Variants in C6orf132 observed in about 807,000 individuals in gnomAD.
C6orf132 encodes uncharacterized protein C6orf132.
A neutral mutation model predicts 65.3 loss-of-function variants in C6orf132; 43 were observed. That is an observed-to-expected ratio of 0.66 (90% CI 0.52 to 0.85). The LOEUF is 0.85. C6orf132 is among the 40% of genes least tolerant of loss of function. The probability of loss-of-function intolerance (pLI) is 0.00; values close to 1 mark genes in which losing one functional copy is unlikely to be tolerated. For missense variants in C6orf132, 1,488 were observed against 1,548.8 expected, an observed-to-expected ratio of 0.96 and a Z score of 0.66; for synonymous variants, 631 against 654.1, an observed-to-expected ratio of 0.96 and a Z score of 0.54.
chr6:42,130,941 A>C (rs1766842573), intron 1 of C6orf132, among the ~76,000 whole-genome samples: 1 of 152,168 alleles, frequency 6.6e-6, no homozygotes, highest in Non-Finnish European at 1.5e-5. Context: ...GCTGGAGTAC[A>C]GTGGCATGAT....
chr6:42,122,342 T>C (rs1451846068), intron 2 of C6orf132, among the ~76,000 whole-genome samples: 1 of 152,182 alleles, frequency 6.6e-6, no homozygotes, highest in Non-Finnish European at 1.5e-5. Flanking sequence ...CCTGCCTAAA[T>C]GGCCCTGAGC....
intron 3 of C6orf132, among the ~76,000 whole-genome samples, chr6:42,108,958 G>A (rs1766455826): frequency 6.6e-6 from 1 of 152,172 alleles, no homozygotes; most frequent in South Asian, 2.1e-4. Flanking sequence ...CAGGACTTAG[G>A]AGCTGGGGTA....
intron 2 of C6orf132, among the ~76,000 whole-genome samples, chr6:42,121,356 G>A (rs918215379): frequency 4.6e-5 from 7 of 152,228 alleles, no homozygotes; most frequent in Admixed American, 2.6e-4. Context: ...ACATTTCAGA[G>A]TTGAGAAGGA....
Position 42,110,204 on chromosome 6 carries a change from G to A in C6orf132, c.328+12C>T. 6.5e-7 allele frequency: 1 copy of A among 1,545,772 alleles called. No individual in the cohort carries two copies. Among genetic ancestry groups the A allele is most frequent in the Admixed American group, 2.0e-5 (1 of 50,218 alleles). On this transcript the variant is annotated intron_variant, in intron 3 of 4. Transcript: ENST00000341865. ...GAAAGATGGACAAGCCCCAAGCCCA[G>A]GGTTCACTTACCTGTCACTTCTTTG... is the stretch of plus-strand genomic sequence containing the variant.
intron 1 of C6orf132, among the ~76,000 whole-genome samples, chr6:42,140,029 T>A (rs1016058980): frequency 1.3e-5 from 2 of 152,070 alleles, no homozygotes; most frequent in African/African-American, 4.8e-5. Flanking sequence ...TCTCCCTAAC[T>A]CCAAGCAGAG....
chr6:42,111,062 C>T (rs1263158808), intron 2 of C6orf132, among the ~76,000 whole-genome samples: 1 of 152,104 alleles, frequency 6.6e-6, no homozygotes, highest in Non-Finnish European at 1.5e-5. Context: ...TCAGCCTGGC[C>T]TCCTGTGTGT....
At chr6:42,112,403 G>A (rs1466835902) in intron 2 of C6orf132, among the ~76,000 whole-genome samples, 1 of 152,226 alleles carries the variant, frequency 6.6e-6, no homozygotes, top group African/African-American at 2.4e-5. Flanking sequence ...ATTGGCTCTG[G>A]CTTTCCAGCC....
intron 1 of C6orf132, among the ~76,000 whole-genome samples, chr6:42,137,569 A>G (rs1352604174): frequency 1.3e-5 from 2 of 152,116 alleles, no homozygotes; most frequent in Non-Finnish European, 2.9e-5. Context: ...AGAGGGCACG[A>G]GGGTCCTCCT....
At chr6:42,132,548 A>G (rs1766870626) in intron 1 of C6orf132, among the ~76,000 whole-genome samples, 1 of 132,248 alleles carries the variant, frequency 7.6e-6, no homozygotes, top group African/African-American at 2.9e-5. Flanking sequence ...AGAAGAAGAA[A>G]ATAAGAAAAG....
rs565967239 is a variant in C6orf132 at position 42,132,524 on chromosome 6, T to G, written c.146-3746A>C. Among the ~76,000 whole-genome samples, 120 of 143,674 alleles carry G rather than the reference T, an allele frequency of 8.4e-4. 1 individual carries two copies. Among genetic ancestry groups the G allele is most frequent in the African/African-American group, 2.9e-3 (106 of 36,050 alleles). The allele number at this position is 143,674 out of a possible 152,430, so 94.3% of individuals were successfully genotyped here. A position where few individuals can be genotyped will look rare whatever the true frequency, so the allele number is the denominator to read the frequency against. ...AGTAAGACTTTGTCTCAAAAAATAATAAGAAGAAGAAGAAGAAGAAGAAAA... is the reference window on the plus strand; with the variant it reads ...AGTAAGACTTTGTCTCAAAAAATAAGAAGAAGAAGAAGAAGAAGAAGAAAA... On this transcript the variant is annotated intron_variant, in intron 1 of 4. Transcript: ENST00000341865.
In C6orf132 at chr6:42,105,392, G is replaced by A. The variant is rs1766380389; in HGVS notation, c.2520C>T (p.Ala840=). The change falls in exon 4 of 5, where the codon GCC becomes GCT. Residue 840 remains alanine (A), a synonymous_variant. Coordinates refer to ENST00000341865, the MANE Select transcript of C6orf132 (RefSeq NM_001164446.3). ...CCCTCTGCCTGGCCGCCAGGAGCAGGGCCATCGGCGAGCCCCGCTCCACCA... is the reference window on the plus strand; with the variant it reads ...CCCTCTGCCTGGCCGCCAGGAGCAGAGCCATCGGCGAGCCCCGCTCCACCA... ...GEVVERGSPM[A]LLLAARQRAQ... is the part of the protein sequence containing the mutation. The A allele has an allele frequency of 6.5e-7, 1 of 1,535,864 alleles. No individual in the cohort carries two copies. Among genetic ancestry groups the A allele is most frequent in the Non-Finnish European group, 8.7e-7 (1 of 1,146,474 alleles).
At chr6:42,128,082 A>G (rs1174229758) in intron 2 of C6orf132, among the ~76,000 whole-genome samples, 1 of 145,284 alleles carries the variant, frequency 6.9e-6, no homozygotes, top group Non-Finnish European at 1.5e-5. Flanking sequence ...TTGCCACTAC[A>G]CCGGCTATTT....
At position 42,139,746 on chromosome 6, in the gene C6orf132, G is replaced by A. The variant is rs542418539; in HGVS notation, c.145+2554C>T. Among the ~76,000 whole-genome samples, 37 of 152,188 alleles carry A rather than the reference G, an allele frequency of 2.4e-4. 2 individuals are homozygous for A. The South Asian group carries it at 7.7e-3, about 32-fold the overall frequency. ...TATTGTTAGTGTCAGTGTATTTTAT[G>A]TGTGGCCCAAGACAATTCTTCTTCC... On this transcript the variant is annotated intron_variant, in intron 1 of 4. Coordinates refer to ENST00000341865, the MANE Select transcript of C6orf132 (RefSeq NM_001164446.3).
rs1485953154 is a variant in C6orf132 at position 42,107,091 on chromosome 6, G to A, written c.821C>T (p.Ala274Val). 3 of 1,465,756 alleles carry A rather than the reference G, an allele frequency of 2.0e-6. No homozygotes were observed. The Admixed American group carries it at 7.6e-5, about 37-fold the overall frequency. The allele number at this position is 1,465,756 out of a possible 1,614,324, so 90.8% of individuals were successfully genotyped here. A position where few individuals can be genotyped will look rare whatever the true frequency, so the allele number is the denominator to read the frequency against. Residue 274 changes from alanine (A) to valine (V), a missense_variant, in exon 4 of 5, where the codon GCC becomes GTC. Transcript: ENST00000341865. ...CTCAGCAGGGCTTCTCGGGGGGCTG[G>A]CTCTGGTGGCCTCTGCCTGCCTGCC... ...LNGRQAEATRASPPRSPAEPK... is the reference protein window; with the variant it reads ...LNGRQAEATRVSPPRSPAEPK...
chr6:42,113,238 TA>T lies in C6orf132; in HGVS notation c.253-2948del, dbSNP rs779881386. On this transcript the variant is annotated intron_variant, in intron 2 of 4. Coordinates refer to ENST00000341865, the MANE Select transcript of C6orf132 (RefSeq NM_001164446.3). ...AAAAGCCAGGGTTGAGATCTCTGAT[TA>T]ATTTCAACATAATTGAAAAGCGGAA... Among the ~76,000 whole-genome samples the T allele has an allele frequency of 2.6e-4, 40 of 152,318 alleles. No individual in the cohort carries two copies. In the East Asian group the frequency reaches 2.9e-3, roughly 11 times the overall value.
chr6:42,117,923 C>CAAAA (rs556142891), intron 2 of C6orf132, among the ~76,000 whole-genome samples: 3,734 of 62,372 alleles, frequency 0.06, 454 homozygotes, highest in Middle Eastern at 0.088. Context: ...AACCCTGTCA[C>CAAAA]AAAAAAAAAA....
intron 2 of C6orf132, among the ~76,000 whole-genome samples, chr6:42,112,767 G>C (rs1271170769): frequency 6.6e-6 from 1 of 152,210 alleles, no homozygotes; most frequent in Non-Finnish European, 1.5e-5. Flanking sequence ...TGGATGCATA[G>C]TGAGCCCAGT....
intron 1 of C6orf132, among the ~76,000 whole-genome samples, chr6:42,132,733 A>T (rs544165129): frequency 5.8e-4 from 86 of 149,470 alleles, no homozygotes; most frequent in African/African-American, 2.0e-3. Context: ...CTGTAATCCC[A>T]GCTACTCAGG....
At chr6:42,109,707 A>T (rs1252750907) in intron 3 of C6orf132, among the ~76,000 whole-genome samples, 1 of 152,158 alleles carries the variant, frequency 6.6e-6, no homozygotes, top group African/African-American at 2.4e-5. Context: ...AGTCCTTGCA[A>T]GAACCTTTTC....
Sources: allele counts gnomAD v4.1 joint callset (sites outside exome capture counted in the v4.1 genomes callset), GRCh38; gene constraint gnomAD v4.1.1; transcripts MANE v1.5; gene names NCBI Gene and HGNC (gene_info 2026-07-23, HGNC 2026-07-21).